BORCS5: variants seen among roughly 807,000 people sequenced by gnomAD.
BORCS5 encodes BLOC-1-related complex subunit 5.
A neutral mutation model predicts 22.1 loss-of-function variants in BORCS5; 17 were observed. The ratio of observed to expected loss-of-function variants is 0.77; its 90% CI spans 0.53 to 1.15. The LOEUF (loss-of-function observed/expected upper bound fraction) is 1.15. Ranked by LOEUF, BORCS5 falls within the 50% of genes most tolerant of loss-of-function variation. The pLI is 0.00. For missense variants in BORCS5, 247 were observed against 253.2 expected (o/e 0.98, Z 0.17); for synonymous variants, 117 against 99.8 (o/e 1.17, Z -1.03).
At chr12:12,357,757 C>T (rs1172179955) in intron 1 of BORCS5, among the ~76,000 whole-genome samples, 1 of 152,220 alleles carries the variant, frequency 6.6e-6, no homozygotes, top group African/African-American at 2.4e-5. Flanking sequence ...CCGTTTCTCC[C>T]AGCTACAGCC....
intron 2 of BORCS5, among the ~76,000 whole-genome samples, chr12:12,363,342 A>G (rs1456921195): frequency 1.3e-5 from 2 of 151,296 alleles, no homozygotes; most frequent in Non-Finnish European, 2.9e-5. Flanking sequence ...GCTCATGCCT[A>G]TAATCCCAGC....
intron 2 of BORCS5, among the ~76,000 whole-genome samples, chr12:12,424,674 C>T (rs1942233210): frequency 6.6e-6 from 1 of 151,892 alleles, no homozygotes; most frequent in Non-Finnish European, 1.5e-5. Context: ...AGATTCTCCC[C>T]CTTCTCTGGG....
At chr12:12,399,272 G>A (rs919493095) in intron 2 of BORCS5, among the ~76,000 whole-genome samples, 4 of 152,028 alleles carry the variant, frequency 2.6e-5, no homozygotes, top group African/African-American at 9.7e-5. Flanking sequence ...AACAGTATTG[G>A]GGGAAAAAGT....
intron 2 of BORCS5, among the ~76,000 whole-genome samples, chr12:12,391,749 C>T (rs1941191242): frequency 1.3e-5 from 2 of 150,298 alleles, no homozygotes; most frequent in Admixed American, 6.7e-5. Context: ...AAAAGCAATA[C>T]AGCTGGGTGC....
intron 2 of BORCS5, among the ~76,000 whole-genome samples, chr12:12,427,233 T>A (rs1942311611): frequency 7.0e-6 from 1 of 143,184 alleles, no homozygotes; most frequent in Admixed American, 7.6e-5. Context: ...CAGGCTGGAG[T>A]TTGGTGGCAC....
At chr12:12,420,237 G>A (rs2136103422) in intron 2 of BORCS5, among the ~76,000 whole-genome samples, 1 of 151,378 alleles carries the variant, frequency 6.6e-6, no homozygotes, top group African/African-American at 2.4e-5. Flanking sequence ...GTGTAAGGAA[G>A]GGATCCAGTT....
rs7306776 is a variant in BORCS5, at chr12:12,377,166, A to G, written c.202+15817A>G. Among the ~76,000 whole-genome samples the G allele has an allele frequency of 7.1e-3, 1,074 of 150,622 alleles. 11 individuals are homozygous for G. Among genetic ancestry groups the G allele is most frequent in the Middle Eastern group, 0.028 (8 of 290 alleles). ...CACACCTCAGGTTTCTCAAGAGTTGAGATTTTGTCCTTTTTTTTTTTTTTT... is the reference window on the plus strand; with the variant it reads ...CACACCTCAGGTTTCTCAAGAGTTGGGATTTTGTCCTTTTTTTTTTTTTTT... On this transcript the variant is annotated intron_variant, in intron 2 of 3. Coordinates refer to ENST00000314565, the MANE Select transcript of BORCS5 (RefSeq NM_058169.6).
intron 2 of BORCS5, among the ~76,000 whole-genome samples, chr12:12,412,388 A>G (rs548507198): frequency 3.9e-5 from 6 of 152,208 alleles, no homozygotes; most frequent in African/African-American, 1.4e-4. Flanking sequence ...GCTATTGGAA[A>G]TGGAATTGTT....
chr12:12,413,899 T>A (rs1418543550), intron 2 of BORCS5, among the ~76,000 whole-genome samples: 1 of 40,326 alleles, frequency 2.5e-5, no homozygotes, highest in Non-Finnish European at 4.6e-5. Context: ...CCCCCCCACC[T>A]CCCTCCCGGA....
intron 2 of BORCS5, among the ~76,000 whole-genome samples, chr12:12,433,296 C>T (rs139156984): frequency 7.1e-4 from 95 of 134,068 alleles, no homozygotes; most frequent in Non-Finnish European, 1.2e-3. Flanking sequence ...GTGCTCCAGC[C>T]TGGAAGACAG....
intron 2 of BORCS5, among the ~76,000 whole-genome samples, chr12:12,376,251 T>TG (rs1379315752): frequency 5.6e-4 from 85 of 150,740 alleles, no homozygotes; most frequent in African/African-American, 1.9e-3. Context: ...TTTTTTTTTT[T>TG]GAGACAGAGT....
intron 2 of BORCS5, among the ~76,000 whole-genome samples, chr12:12,419,263 C>G (rs1316834661): frequency 6.6e-6 from 1 of 152,162 alleles, no homozygotes; most frequent in Non-Finnish European, 1.5e-5. Flanking sequence ...TCTCATTGTT[C>G]AGTTCCTACC....
In BORCS5 at chr12:12,437,884, T is replaced by C. The variant is rs559649821; in HGVS notation, c.360+2099T>C. On this transcript the variant is annotated intron_variant, in intron 3 of 3. Coordinates refer to ENST00000314565, the MANE Select transcript of BORCS5 (RefSeq NM_058169.6). The stretch of plus-strand genomic sequence containing the variant: ...CAGAAGCGATTCTCCAACCTCAGCT[T>C]CCTGAGTAGCTTAGGACTACAGGTG... 2.6e-5 allele frequency among the ~76,000 whole-genome samples: 4 copies of C among 152,244 alleles called. No homozygotes were observed. In the South Asian group the frequency reaches 8.3e-4, roughly 32 times the overall value.
intron 3 of BORCS5, among the ~76,000 whole-genome samples, chr12:12,460,661 G>C (rs1267424977): frequency 6.6e-6 from 1 of 152,110 alleles, no homozygotes; most frequent in African/African-American, 2.4e-5. Context: ...GTTTCCTTCT[G>C]TTCCTACTTT....
rs917776932 is a variant in BORCS5 at position 12,357,241 on chromosome 12, G to A, written c.-211G>A. On this transcript the variant is annotated 5_prime_UTR_variant, in exon 1 of 4. Coordinates refer to ENST00000314565, the MANE Select transcript of BORCS5 (RefSeq NM_058169.6). ...GCGTGCGTTCGCGCCGCGCCTCCTT[G>A]CGTTTCTGTTCCCCAAATAGGGCCT... is the stretch of plus-strand genomic sequence containing the variant. The A allele has an allele frequency of 6.8e-7, 1 of 1,472,616 alleles. No individual in the cohort carries two copies. 91.2% of individuals were successfully genotyped at this position (1,472,616 alleles called of 1,614,324 possible).
At position 12,375,565 on chromosome 12, in the gene BORCS5, G is replaced by A. The variant is rs148175057; in HGVS notation, c.202+14216G>A. Among the ~76,000 whole-genome samples the A allele has an allele frequency of 9.3e-4, 142 of 152,302 alleles. 1 individual carries two copies. The highest frequency in any genetic ancestry group is 3.1e-3 in the African/African-American group (130 of 41,556). ...ATTCCAGGAGTTTGAGGCTCAGTGA[G>A]CTCCAGTCATACCACGGCACTCCAG... is the stretch of plus-strand genomic sequence containing the variant. On this transcript the variant is annotated intron_variant, in intron 2 of 3. Transcript: ENST00000314565.
intron 2 of BORCS5, among the ~76,000 whole-genome samples, chr12:12,367,472 T>G (rs1336495204): frequency 6.6e-6 from 1 of 152,232 alleles, no homozygotes; most frequent in Non-Finnish European, 1.5e-5. Flanking sequence ...ATTGGAAAGA[T>G]TGATGACTTA....
Position 12,441,840 on chromosome 12 carries a change from A to G in BORCS5, c.360+6055A>G, listed in dbSNP as rs529960124. On this transcript the variant is annotated intron_variant, in intron 3 of 3. Coordinates refer to ENST00000314565, the MANE Select transcript of BORCS5 (RefSeq NM_058169.6). ...TTTAACTGTTTATTCTGCTTTGTGG[A>G]TAGCATACTCGTGCCTGGGGAACAT... Among the ~76,000 whole-genome samples, 27 of 152,010 alleles carry G rather than the reference A, an allele frequency of 1.8e-4. No homozygotes were observed. The South Asian group carries it at 2.1e-3, about 12-fold the overall frequency.
intron 2 of BORCS5, among the ~76,000 whole-genome samples, chr12:12,410,303 T>A (rs1245567794): frequency 3.3e-5 from 5 of 152,258 alleles, no homozygotes; most frequent in Middle Eastern, 3.2e-3. Flanking sequence ...TCCTTGCCCA[T>A]GCCTATGTCC....
Sources: allele counts gnomAD v4.1 joint callset (sites outside exome capture counted in the v4.1 genomes callset), GRCh38; gene constraint gnomAD v4.1.1; transcripts MANE v1.5; gene names NCBI Gene and HGNC (gene_info 2026-07-23, HGNC 2026-07-21).